Variants in HSF5 observed in about 807,000 individuals in gnomAD.
The protein encoded by HSF5 is heat shock factor protein 5.
HSF5 carries 5 observed loss-of-function variants against 50.8 expected under a neutral mutation model. That is an observed-to-expected ratio of 0.10 (90% CI 0.05 to 0.21). The LOEUF is 0.21. HSF5 is among the 10% of genes least tolerant of loss of function. The probability of loss-of-function intolerance (pLI) is 1.00; values close to 1 mark genes in which losing one functional copy is unlikely to be tolerated. For synonymous variants in HSF5, 307 were observed against 307.4 expected, an observed-to-expected ratio of 1.00 and a Z score of 0.02; for missense variants, 564 against 762.6, an observed-to-expected ratio of 0.74 and a Z score of 3.07.
intron 5 of HSF5, among the ~76,000 whole-genome samples, chr17:58,433,905 A>G (rs1974393360): frequency 2.5e-5 from 2 of 78,970 alleles, no homozygotes; most frequent in South Asian, 8.1e-4. Context: ...AGGAAAGGTC[A>G]AAGGGATTTT....
intron 2 of HSF5, among the ~76,000 whole-genome samples, chr17:58,473,301 C>T (rs1974972887): frequency 6.6e-6 from 1 of 151,878 alleles, no homozygotes; most frequent in African/African-American, 2.4e-5. Flanking sequence ...AGGGCAGCTA[C>T]AAATTTACTA....
intron 5 of HSF5, among the ~76,000 whole-genome samples, chr17:58,437,279 T>A (rs897086125): frequency 6.6e-6 from 1 of 152,142 alleles, no homozygotes; most frequent in Non-Finnish European, 1.5e-5. Context: ...TTATCTTGAG[T>A]CAATCATATC....
chr17:58,439,685 T>C (rs866677459), intron 5 of HSF5, among the ~76,000 whole-genome samples: 7 of 152,306 alleles, frequency 4.6e-5, no homozygotes, highest in Middle Eastern at 3.4e-3. Context: ...GGTTTCACCA[T>C]GTTGGTCAGG....
At chr17:58,478,472 T>C (rs1202037563) in intron 2 of HSF5, among the ~76,000 whole-genome samples, 28 of 109,814 alleles carry the variant, frequency 2.5e-4, no homozygotes, top group Non-Finnish European at 4.4e-4. Flanking sequence ...CGAGACTCCA[T>C]CTCAAAAAAA....
intron 5 of HSF5, among the ~76,000 whole-genome samples, chr17:58,439,952 G>A (rs920364755): frequency 1.3e-5 from 2 of 150,060 alleles, no homozygotes; most frequent in African/African-American, 4.9e-5. Flanking sequence ...AGAAAAAATA[G>A]GAAAAATGGA....
rs1479838008 is a variant in HSF5, at chr17:58,423,990, A to G, written c.1721-1560T>C. On this transcript the variant is annotated intron_variant, in intron 5 of 5. Transcript: ENST00000323777. ...GAATTCTACTACCACTTGGTAGAAA[A>G]TCTAGAAAGCATTTGAAATAGTACC... 2.0e-5 allele frequency among the ~76,000 whole-genome samples: 3 copies of G among 152,242 alleles called. No homozygotes were observed. The South Asian group carries it at 6.2e-4, about 31-fold the overall frequency.
intron 1 of HSF5, among the ~76,000 whole-genome samples, chr17:58,482,417 G>T (rs1467690740): frequency 6.6e-6 from 1 of 152,026 alleles, no homozygotes; most frequent in Non-Finnish European, 1.5e-5. Flanking sequence ...GGGCAAAATG[G>T]TGAGATCCTG....
chr17:58,463,056 G>T lies in HSF5; in HGVS notation c.1268C>A (p.Ala423Glu). 1 of 1,614,216 alleles carries T rather than the reference G, an allele frequency of 6.2e-7. No individual in the cohort carries two copies. Among genetic ancestry groups the T allele is most frequent in the African/African-American group, 1.3e-5 (1 of 75,056 alleles). The change falls in exon 4 of 6, where the codon GCA (alanine) becomes GAA (glutamate). Residue 423 changes from alanine (A) to glutamate (E), a missense_variant. By Grantham distance (107) the Ala-to-Glu change is moderately radical. This residue lies in a region of HSF5 where 441 missense variants were observed against 533.6 expected (regional missense o/e 0.83). Coordinates refer to ENST00000323777, the MANE Select transcript of HSF5 (RefSeq NM_001080439.3). ...ANSNNSNPCS[A>E]SQASQLEPLT... ...TGGCTCCAGCTGGCTAGCCTGACTT[G>T]CAGAACATGGATTGCTGTTGTTAGA...
Position 58,487,891 on chromosome 17 carries a change from C to T in HSF5, c.384G>A (p.Lys128=). 3 of 1,609,724 alleles carry T rather than the reference C, an allele frequency of 1.9e-6. No homozygotes were observed. The highest frequency in any genetic ancestry group is 2.5e-6 in the Non-Finnish European group (3 of 1,179,080). Residue 128 remains lysine, a synonymous_variant, in exon 1 of 6, where the codon AAG becomes AAA. Transcript: ENST00000323777. ...RDQPQLLVHL[K]RLTSANKAKL... ...TGGCCTTGTTGGCGCTGGTGAGGCG[C>T]TTGAGGTGCACGAGCAGCTGTGGCT...
chr17:58,439,284 AAAC>A (rs150541334), intron 5 of HSF5, among the ~76,000 whole-genome samples: 14 of 149,960 alleles, frequency 9.3e-5, no homozygotes, highest in Non-Finnish European at 1.6e-4. Context: ...AAAAAAACAA[AAAC>A]AACAACAACC....
At chr17:58,452,453 C>T (rs1974654070) in intron 5 of HSF5, among the ~76,000 whole-genome samples, 1 of 152,068 alleles carries the variant, frequency 6.6e-6, no homozygotes, top group Non-Finnish European at 1.5e-5. Flanking sequence ...AAGGTTGAAT[C>T]ACAAAGAAAG....
chr17:58,484,269 A>G (rs1975138008), intron 1 of HSF5, among the ~76,000 whole-genome samples: 1 of 152,108 alleles, frequency 6.6e-6, no homozygotes, highest in East Asian at 1.9e-4. Context: ...ATATGGATTG[A>G]CATATAATCT....
chr17:58,481,849 A>T (rs1399785670), intron 1 of HSF5, among the ~76,000 whole-genome samples: 1 of 152,188 alleles, frequency 6.6e-6, no homozygotes, highest in East Asian at 1.9e-4. Flanking sequence ...AATATACAAA[A>T]ATCAGCTGGG....
chr17:58,436,037 C>T (rs1311777887), intron 5 of HSF5, among the ~76,000 whole-genome samples: 1 of 152,098 alleles, frequency 6.6e-6, no homozygotes, highest in Non-Finnish European at 1.5e-5. Context: ...CCATATTCCT[C>T]ATTTTGCAGA....
In HSF5 at chr17:58,463,240, T is replaced by C. The variant is rs774832940; in HGVS notation, c.1084A>G (p.Thr362Ala). The change falls in exon 4 of 6, where the codon ACT (threonine) becomes GCT (alanine). Residue 362 changes from threonine to alanine, a missense_variant. Coordinates refer to ENST00000323777, the MANE Select transcript of HSF5 (RefSeq NM_001080439.3). The stretch of plus-strand genomic sequence containing the variant: ...ACTTCTGTCTTTGTATTTTCATCAG[T>C]AGTACTGCAGGGCCAATTGGAAGGC... The part of the protein sequence containing the change: ...FLPSNWPCST[T>A]DENTKTEVNL... 7.4e-6 allele frequency: 12 copies of C among 1,613,828 alleles called. No homozygotes were observed. Among genetic ancestry groups the C allele is most frequent in the South Asian group, 5.5e-5 (5 of 91,080 alleles).
chr17:58,423,689 C>T (rs1397036685), intron 5 of HSF5, among the ~76,000 whole-genome samples: 1 of 151,854 alleles, frequency 6.6e-6, no homozygotes. Flanking sequence ...CTATGTTGGC[C>T]AGACTGGTCT....
At chr17:58,484,608 T>C (rs926449523) in intron 1 of HSF5, among the ~76,000 whole-genome samples, 1 of 151,968 alleles carries the variant, frequency 6.6e-6, no homozygotes, top group Non-Finnish European at 1.5e-5. Flanking sequence ...AAAAAATCCA[T>C]GTCAGAGATT....
Position 58,483,158 on chromosome 17 carries a change from C to T in HSF5, c.551-2891G>A, listed in dbSNP as rs568743345. On this transcript the variant is annotated intron_variant, in intron 1 of 5. Transcript: ENST00000323777. Reference sequence around the variant, plus strand: ...GCCTACAGAGTACAACAGCTCTGCCCTCTTCGGGGATAAACTGTTGGTGAA... The same window carrying T: ...GCCTACAGAGTACAACAGCTCTGCCTTCTTCGGGGATAAACTGTTGGTGAA... Among the ~76,000 whole-genome samples the T allele has an allele frequency of 2.0e-5, 3 of 152,266 alleles. No individual in the cohort carries two copies. The South Asian group carries it at 6.2e-4, about 32-fold the overall frequency.
intron 5 of HSF5, among the ~76,000 whole-genome samples, chr17:58,441,993 G>C (rs1440931028): frequency 6.6e-6 from 1 of 152,212 alleles, no homozygotes; most frequent in African/African-American, 2.4e-5. Flanking sequence ...AGACAAAGAA[G>C]AGCCATCTAA....
Sources: allele counts gnomAD v4.1 joint callset (sites outside exome capture counted in the v4.1 genomes callset), GRCh38; gene constraint gnomAD v4.1.1; regional missense constraint gnomAD v4.1.1; transcripts MANE v1.5; gene names NCBI Gene and HGNC (gene_info 2026-07-23, HGNC 2026-07-21).